Variants in DNAL1 observed in about 807,000 individuals in gnomAD.
DNAL1 encodes dynein axonemal light chain 1, also known as chromosome 14 open reading frame 168.
A neutral mutation model predicts 29.4 loss-of-function variants in DNAL1; 17 were observed. The ratio of observed to expected loss-of-function variants is 0.58; its 90% CI spans 0.40 to 0.87. The LOEUF (loss-of-function observed/expected upper bound fraction) is 0.87, where lower values mean the gene tolerates loss of function less well. Among genes scored for constraint, DNAL1 ranks in the 40% least tolerant of loss-of-function variants. DNAL1 has a pLI of 0.00. For missense variants in DNAL1, 188 were observed against 214.1 expected, an observed-to-expected ratio of 0.88 and a Z score of 0.76; for synonymous variants, 78 against 76.3, an observed-to-expected ratio of 1.02 and a Z score of -0.12.
chr14:73,674,950 C>G (rs894136623), intron 5 of DNAL1, among the ~76,000 whole-genome samples: 2 of 151,540 alleles, frequency 1.3e-5, no homozygotes, highest in African/African-American at 4.9e-5. Flanking sequence ...TCCCAAGTAG[C>G]TGTGACTAAA....
intron 1 of DNAL1, among the ~76,000 whole-genome samples, chr14:73,649,706 C>T (rs1247712002): frequency 1.3e-5 from 2 of 152,150 alleles, no homozygotes; most frequent in Non-Finnish European, 2.9e-5. Context: ...CTTTACTCAC[C>T]TCCAGTGTTT....
chr14:73,692,870 G>A (rs1035838318), intron 7 of DNAL1, among the ~76,000 whole-genome samples: 9 of 148,558 alleles, frequency 6.1e-5, no homozygotes, highest in East Asian at 2.0e-4. Context: ...GGAGTCTCAC[G>A]CTGTCACCCA....
At chr14:73,658,305 G>A (rs893003894) in intron 2 of DNAL1, among the ~76,000 whole-genome samples, 2 of 152,056 alleles carry the variant, frequency 1.3e-5, no homozygotes, top group East Asian at 1.9e-4. Context: ...GGTTGTGTTC[G>A]CCTTATAATA....
In DNAL1 at chr14:73,687,611, G is replaced by T. The variant is rs8007379; in HGVS notation, c.391+226G>T. 7.2e-3 allele frequency among the ~76,000 whole-genome samples: 1,090 copies of T among 152,278 alleles called. 19 individuals carry two copies. The highest frequency in any genetic ancestry group is 0.025 in the African/African-American group (1,025 of 41,544). ...GGATGGACCGGGCGCGGTGGCTCAC[G>T]CCTGTAATCCCAGAACTTTGGGAGG... is the stretch of plus-strand genomic sequence containing the variant. On this transcript the variant is annotated intron_variant, in intron 6 of 7. Transcript: ENST00000553645.
In DNAL1 at chr14:73,699,732, T is replaced by C. The variant is rs1892387232; in HGVS notation, c.*3790T>C. Reference sequence around the variant, plus strand: ...CTTGCTTATCTTAGGACAGTGATTATTAACCTACCTCTCTGTTTCTATCAA... The same window carrying C: ...CTTGCTTATCTTAGGACAGTGATTACTAACCTACCTCTCTGTTTCTATCAA... On this transcript the variant is annotated 3_prime_UTR_variant, in exon 8 of 8. Transcript: ENST00000553645. The C allele has an allele frequency of 6.6e-6, 1 of 152,156 alleles. No homozygotes were observed. Among genetic ancestry groups the C allele is most frequent in the African/African-American group, 2.4e-5 (1 of 41,388 alleles). The allele number at this position is 152,156 out of a possible 1,614,324, so 9.4% of individuals were successfully genotyped here.
chr14:73,647,613 ATCT>A (rs893470308), intron 1 of DNAL1, among the ~76,000 whole-genome samples: 9 of 152,268 alleles, frequency 5.9e-5, no homozygotes, highest in African/African-American at 1.7e-4. Context: ...AGTAGAGGTT[ATCT>A]TCTTTACACT....
chr14:73,681,605 CAAAAA>C (rs71112792), intron 5 of DNAL1, among the ~76,000 whole-genome samples: 37 of 52,796 alleles, frequency 7.0e-4, no homozygotes, highest in African/African-American at 1.3e-3. Flanking sequence ...CCATCTCTAC[CAAAAA>C]AAAAAAAAAA....
intron 5 of DNAL1, among the ~76,000 whole-genome samples, chr14:73,676,237 A>C (rs1448937537): frequency 6.6e-6 from 1 of 151,718 alleles, no homozygotes; most frequent in African/African-American, 2.4e-5. Context: ...CTGTCTCAAA[A>C]AAAAAAAAAA....
At chr14:73,669,021 A>T (rs1225775167) in intron 4 of DNAL1, among the ~76,000 whole-genome samples, 2 of 151,932 alleles carry the variant, frequency 1.3e-5, no homozygotes, top group African/African-American at 4.8e-5. Flanking sequence ...TCTATGTCCA[A>T]ATTGCCTCTT....
chr14:73,665,751 A>G (rs1300519532), intron 4 of DNAL1, among the ~76,000 whole-genome samples: 1 of 151,888 alleles, frequency 6.6e-6, no homozygotes, highest in Non-Finnish European at 1.5e-5. Context: ...AGATCACGCT[A>G]CTGTACTCCA....
intron 6 of DNAL1, among the ~76,000 whole-genome samples, chr14:73,689,041 T>G (rs1255520113): frequency 2.1e-5 from 3 of 143,826 alleles, no homozygotes; most frequent in East Asian, 2.0e-4. Context: ...TTTTTTTTTT[T>G]TTTTTTTTTT....
chr14:73,648,693 G>A (rs2140021719), intron 1 of DNAL1, among the ~76,000 whole-genome samples: 1 of 151,264 alleles, frequency 6.6e-6, no homozygotes, highest in African/African-American at 2.4e-5. Context: ...GGGATTACAA[G>A]CGTGAGCCAC....
At position 73,699,694 on chromosome 14, in the gene DNAL1, A is replaced by G. The variant is rs147372547; in HGVS notation, c.*3752A>G. 2.8e-4 allele frequency: 43 copies of G among 152,166 alleles called. 1 individual carries two copies. The highest frequency in any genetic ancestry group is 1.0e-3 in the African/African-American group (43 of 41,524). The allele number at this position is 152,166 out of a possible 1,614,324, so 9.4% of individuals were successfully genotyped here. A position where few individuals can be genotyped will look rare whatever the true frequency, so the allele number is the denominator to read the frequency against. On this transcript the variant is annotated 3_prime_UTR_variant, in exon 8 of 8. Coordinates refer to ENST00000553645, the MANE Select transcript of DNAL1 (RefSeq NM_031427.4). ...TTTTTGAAGCAGGGTCTCAACTTTT[A>G]TTTCTAAGCATTCTTGCTTATCTTA...
At chr14:73,678,724 A>C (rs1206516398) in intron 5 of DNAL1, among the ~76,000 whole-genome samples, 1 of 152,160 alleles carries the variant, frequency 6.6e-6, no homozygotes, top group Non-Finnish European at 1.5e-5. Flanking sequence ...ATTTCACTGC[A>C]ACATAGCTTA....
intron 1 of DNAL1, among the ~76,000 whole-genome samples, chr14:73,650,872 G>A (rs946987453): frequency 3.3e-5 from 5 of 152,212 alleles, no homozygotes; most frequent in African/African-American, 1.2e-4. Context: ...TCAATTATGG[G>A]CTCCAGCAGT....
intron 1 of DNAL1, among the ~76,000 whole-genome samples, chr14:73,649,634 C>T (rs1891069171): frequency 6.6e-6 from 1 of 152,148 alleles, no homozygotes; most frequent in Non-Finnish European, 1.5e-5. Context: ...TAGTTAGGCC[C>T]ACTTTGACCA....
intron 5 of DNAL1, among the ~76,000 whole-genome samples, chr14:73,675,292 C>T (rs1402858077): frequency 6.6e-6 from 1 of 151,844 alleles, no homozygotes; most frequent in Non-Finnish European, 1.5e-5. Context: ...CTCACTCTCT[C>T]ACCCAGGCTG....
At chr14:73,687,430 T>C in intron 6 of DNAL1, 45 bp downstream of exon 6, 1 of 1,483,474 alleles carries the variant, frequency 6.7e-7, no homozygotes, top group Non-Finnish European at 9.0e-7. Context: ...CGCCTGTTTA[T>C]AGAAAATAGT....
intron 5 of DNAL1, among the ~76,000 whole-genome samples, chr14:73,683,944 T>A (rs1891953499): frequency 6.6e-6 from 1 of 152,080 alleles, no homozygotes; most frequent in South Asian, 2.1e-4. Context: ...TGGCCTCAAG[T>A]GATCCACCTA....
Sources: gnomAD v4.1 joint callset for allele counts (sites outside exome capture counted in the v4.1 genomes callset) on GRCh38, gnomAD v4.1.1 for gene constraint, MANE v1.5 for transcripts, NCBI Gene and HGNC (gene_info 2026-07-23, HGNC 2026-07-21) for gene names.